EYA2: variants seen among roughly 807,000 people sequenced by gnomAD.
EYA2 encodes EYA transcriptional coactivator and phosphatase 2, also known as protein phosphatase EYA2.
A neutral mutation model predicts 69.2 loss-of-function variants in EYA2; 31 were observed. The ratio of observed to expected loss-of-function variants is 0.45; its 90% CI spans 0.34 to 0.60. The LOEUF is 0.60. EYA2 is among the 20% of genes least tolerant of loss of function. The probability of loss-of-function intolerance (pLI) is 0.02; values close to 1 mark genes in which losing one functional copy is unlikely to be tolerated. For missense variants in EYA2, 622 were observed against 701.2 expected, an observed-to-expected ratio of 0.89 and a Z score of 1.28; for synonymous variants, 257 against 279.4, an observed-to-expected ratio of 0.92 and a Z score of 0.80.
chr20:47,037,426 C>T (rs115742696), intron 5 of EYA2, among the ~76,000 whole-genome samples: 3 of 152,312 alleles, frequency 2.0e-5, no homozygotes, highest in African/African-American at 4.8e-5. Flanking sequence ...GGCATTATTA[C>T]GTGTTGCATT....
At chr20:47,142,944 C>A in intron 9 of EYA2, 115 bp from the exon 10 acceptor site, 2 of 719,306 alleles carry the variant, frequency 2.8e-6, no homozygotes, top group South Asian at 2.0e-5. Flanking sequence ...CACGCGTGAG[C>A]CGAGCAGATG....
intron 1 of EYA2, among the ~76,000 whole-genome samples, chr20:46,968,110 C>T (rs1322030756): frequency 6.6e-6 from 1 of 152,190 alleles, no homozygotes; most frequent in Admixed American, 6.5e-5. Flanking sequence ...TTCTTCCTTC[C>T]TGCTTAGAGT....
At chr20:47,130,477 G>T (rs2033315474) in intron 9 of EYA2, among the ~76,000 whole-genome samples, 3 of 151,710 alleles carry the variant, frequency 2.0e-5, no homozygotes, top group Admixed American at 1.3e-4. Flanking sequence ...ATGTCAGCCA[G>T]GATGGTCTCG....
rs137951151 is a variant in EYA2 at position 46,991,336 on chromosome 20, T to G, written c.109+1217T>G. On this transcript the variant is annotated intron_variant, in intron 2 of 15. Transcript: ENST00000327619. Reference sequence around the variant, plus strand: ...GCCAAATGATCTCAGGCAAACTGTTTAACTTTTCTGAGCCTCAGTTTTCTC... The same window carrying G: ...GCCAAATGATCTCAGGCAAACTGTTGAACTTTTCTGAGCCTCAGTTTTCTC... 6.9e-4 allele frequency among the ~76,000 whole-genome samples: 105 copies of G among 152,330 alleles called. 1 individual carries two copies. Among genetic ancestry groups the G allele is most frequent in the African/African-American group, 2.1e-3 (86 of 41,570 alleles).
At chr20:47,013,648 T>G (rs1336066111) in intron 4 of EYA2, among the ~76,000 whole-genome samples, 1 of 152,162 alleles carries the variant, frequency 6.6e-6, no homozygotes, top group Non-Finnish European at 1.5e-5. Flanking sequence ...ACAGAGTGTC[T>G]GAGCATATGG....
At chr20:47,080,416 GGAAGGGAGGGAGGGAAATGAGGGA>G (rs2031667755) in intron 7 of EYA2, among the ~76,000 whole-genome samples, 1 of 139,916 alleles carries the variant, frequency 7.1e-6, no homozygotes, top group South Asian at 2.4e-4. Context: ...ATCAGGTGAA[GGAAGGGAGGGAGGGAAATGAGGGA>G]GGGGGGAGGG....
chr20:47,020,540 G>C (rs2146378492), intron 5 of EYA2, among the ~76,000 whole-genome samples: 1 of 151,812 alleles, frequency 6.6e-6, no homozygotes, highest in South Asian at 2.1e-4. Flanking sequence ...TTTCTTTTTG[G>C]CTTCTTCTGG....
intron 10 of EYA2, chr20:47,161,251 C>T (rs2034059922): frequency 3.8e-6 from 2 of 531,896 alleles, no homozygotes; most frequent in Non-Finnish European, 7.1e-6. Context: ...CAATGGAGAG[C>T]TAGCCCAGGA....
At chr20:47,022,494 A>G (rs1983813026) in intron 5 of EYA2, among the ~76,000 whole-genome samples, 1 of 151,624 alleles carries the variant, frequency 6.6e-6, no homozygotes, top group Admixed American at 6.6e-5. Context: ...TTGTATTTTT[A>G]GTAGAGATGG....
intron 1 of EYA2, among the ~76,000 whole-genome samples, chr20:46,898,424 C>CAG (rs59636308): frequency 1.4e-5 from 2 of 146,580 alleles, no homozygotes; most frequent in South Asian, 2.2e-4. Context: ...CACACACACA[C>CAG]CACAATTCTT....
intron 5 of EYA2, among the ~76,000 whole-genome samples, chr20:47,048,569 CTACTAAAAATACAAAA>C (rs1357876279): frequency 1.3e-5 from 2 of 152,140 alleles, no homozygotes; most frequent in African/African-American, 2.4e-5. Context: ...AACCCTGTCT[CTACTAAAAATACAAAA>C]ATTAGCTGGG....
chr20:47,016,380 AT>A, intron 5 of EYA2, 83 bp downstream of exon 5: 5 of 1,051,090 alleles, frequency 4.8e-6, no homozygotes, highest in Non-Finnish European at 6.0e-6. Context: ...CATTCAGCAG[AT>A]TTTTTGAGCA....
intron 5 of EYA2, among the ~76,000 whole-genome samples, chr20:47,032,537 T>C (rs1984476647): frequency 6.6e-6 from 1 of 152,226 alleles, no homozygotes; most frequent in Non-Finnish European, 1.5e-5. Context: ...TATCTTGGTG[T>C]GCATCTTGTT....
At chr20:47,148,305 G>A (rs2033750042) in intron 10 of EYA2, among the ~76,000 whole-genome samples, 1 of 152,100 alleles carries the variant, frequency 6.6e-6, no homozygotes, top group Non-Finnish European at 1.5e-5. Flanking sequence ...AGGGCTGTAA[G>A]GATGGAGCTA....
At chr20:47,061,181 C>T (rs1159900368) in intron 5 of EYA2, among the ~76,000 whole-genome samples, 1 of 152,150 alleles carries the variant, frequency 6.6e-6, no homozygotes, top group African/African-American at 2.4e-5. Context: ...TCTCCTTCTT[C>T]CCTTGTCTCT....
rs1259360013 is a variant in EYA2 at position 47,160,553 on chromosome 20, G to A, written c.979-8586G>A. On this transcript the variant is annotated intron_variant, in intron 10 of 15. Coordinates refer to ENST00000327619, the MANE Select transcript of EYA2 (RefSeq NM_005244.5). ...TCAGATTGTGGGTATATGTCGAAGG[G>A]AAAGCCAACAGGATTTGGTGATGGA... 2.0e-5 allele frequency among the ~76,000 whole-genome samples: 3 copies of A among 152,208 alleles called. No homozygotes were observed. The East Asian group carries it at 5.8e-4, about 29-fold the overall frequency.
chr20:47,088,855 G>A (rs540541355), intron 7 of EYA2, among the ~76,000 whole-genome samples: 224 of 152,314 alleles, frequency 1.5e-3, no homozygotes, highest in Middle Eastern at 6.8e-3. Context: ...GATTACAGGC[G>A]TAAGCCCCCA....
In EYA2 at chr20:47,005,136, CTT is replaced by C. The variant is rs999656425; in HGVS notation, c.298+54_298+55del. The C allele has an allele frequency of 4.4e-6, 7 of 1,593,246 alleles. No individual in the cohort carries two copies. In the African/African-American group the frequency reaches 9.4e-5, roughly 21 times the overall value. The stretch of plus-strand genomic sequence containing the variant: ...CCTCCTCAGGTCCCCAAATCATGGT[CTT>C]TGTTCTGCACTATTGTCTCAGCTAA... On this transcript the variant is annotated intron_variant, in intron 4 of 15. Transcript: ENST00000327619.
At chr20:46,901,624 T>G (rs1389467174) in intron 1 of EYA2, 1 of 152,222 alleles carries the variant, frequency 6.6e-6, no homozygotes, top group East Asian at 1.9e-4. Context: ...ATATCAGGAC[T>G]TTTGTTTCAG....
Sources: gnomAD v4.1 joint callset for allele counts (sites outside exome capture counted in the v4.1 genomes callset) on GRCh38, gnomAD v4.1.1 for gene constraint, MANE v1.5 for transcripts, NCBI Gene and HGNC (gene_info 2026-07-23, HGNC 2026-07-21) for gene names.